THTPA: variants seen among roughly 807,000 people sequenced by gnomAD.
THTPA encodes thiamine-triphosphatase.
In THTPA, 16 loss-of-function variants were observed where a neutral mutation model predicts 16.5. The observed-to-expected ratio is 0.97, with a 90% CI of 0.66 to 1.47. The LOEUF (loss-of-function observed/expected upper bound fraction) is 1.47. Among genes scored for constraint, THTPA ranks in the 40% most tolerant of loss-of-function variants. THTPA has a pLI of 0.00. For synonymous variants in THTPA, 110 were observed against 115.5 expected, an observed-to-expected ratio of 0.95 and a Z score of 0.30; for missense variants, 281 against 280.9, an observed-to-expected ratio of 1.00 and a Z score of 0.00.
chr14:23,531,782 T>G, the THTPA span: 1 of 400,106 alleles, frequency 2.5e-6, no homozygotes, highest in East Asian at 7.7e-5. Context: ...CTCAGGGGAC[T>G]TTTTTTTTTT....
chr14:23,512,625 T>G, the THTPA span: 4 of 135,052 alleles, frequency 3.0e-5, no homozygotes, highest in Non-Finnish European at 6.2e-5. Flanking sequence ...CTGCCATAAA[T>G]ATTGGTACTG....
At chr14:23,528,590 C>T in the THTPA span, 1 of 985,298 alleles carries the variant, frequency 1.0e-6, no homozygotes, top group Non-Finnish European at 1.2e-6. Flanking sequence ...TCCCTGCCCA[C>T]TCTGCCTCTG....
the THTPA span, chr14:23,522,547 C>T: frequency 6.5e-7 from 1 of 1,527,212 alleles, no homozygotes; most frequent in South Asian, 1.2e-5. Flanking sequence ...ATAGCCCCTT[C>T]TTCATGCCAT....
chr14:23,528,369 T>C, the THTPA span, among the ~76,000 whole-genome samples: 1 of 152,260 alleles, frequency 6.6e-6, no homozygotes, highest in Non-Finnish European at 1.5e-5. Flanking sequence ...TGTCTGGCCC[T>C]CTTCCACCAT....
Position 23,557,179 on chromosome 14 carries a change from A to C in THTPA, c.422A>C (p.Gln141Pro). Reference sequence around the variant, plus strand: ...TTGGGAGCTGATGAAGAGGAGCCACAGCTCAGGGTGGACTTGGATACAGCC... The same window carrying C: ...TTGGGAGCTGATGAAGAGGAGCCACCGCTCAGGGTGGACTTGGATACAGCC... ...VLLGADEEEPQLRVDLDTADF... is the reference protein window; with the variant it reads ...VLLGADEEEPPLRVDLDTADF... Residue 141 changes from glutamine to proline, a missense_variant, in exon 1 of 2, where the codon CAG (glutamine) becomes CCG (proline). Physicochemically the swap from Gln to Pro is moderately conservative, Grantham distance 76. Transcript: ENST00000288014. 6.2e-7 allele frequency: 1 copy of C among 1,614,150 alleles called. No homozygotes were observed. The highest frequency in any genetic ancestry group is 8.5e-7 in the Non-Finnish European group (1 of 1,180,030).
the THTPA span, among the ~76,000 whole-genome samples, chr14:23,546,001 A>C: frequency 6.6e-6 from 1 of 152,226 alleles, no homozygotes; most frequent in Non-Finnish European, 1.5e-5. The surrounding 1 kb of genome is among the most constrained non-coding windows in gnomAD (Gnocchi z 4.7). Flanking sequence ...CCTCTAGCCC[A>C]AGCCCAGCCC....
At chr14:23,522,768 A>G in the THTPA span, 1 of 1,536,412 alleles carries the variant, frequency 6.5e-7, no homozygotes, top group Non-Finnish European at 8.7e-7. Context: ...TTGTCCCCCA[A>G]GGGCTCAGTA....
At chr14:23,544,704 C>A in the THTPA span, among the ~76,000 whole-genome samples, 1 of 152,242 alleles carries the variant, frequency 6.6e-6, no homozygotes, top group East Asian at 1.9e-4. Flanking sequence ...TGAGTGTGAT[C>A]TCGTTACACT....
At chr14:23,517,542 G>T in the THTPA span, among the ~76,000 whole-genome samples, 2 of 152,264 alleles carry the variant, frequency 1.3e-5, no homozygotes, top group Middle Eastern at 3.4e-3. Context: ...GAGAGAAATT[G>T]TCCCCCAATA....
chr14:23,525,215 G>A, the THTPA span: 8 of 1,536,112 alleles, frequency 5.2e-6, no homozygotes, highest in Non-Finnish European at 7.0e-6. This position sits in a 1 kb window ranked among gnomAD's most constrained non-coding sequence, Gnocchi z 5.9. Flanking sequence ...CTCTTCTATG[G>A]GCCAGTGTCC....
chr14:23,541,493 G>C, the THTPA span, among the ~76,000 whole-genome samples: 2 of 151,800 alleles, frequency 1.3e-5, no homozygotes, highest in African/African-American at 4.8e-5. Flanking sequence ...CTCCATGTTG[G>C]TCAGGCTGGT....
At chr14:23,536,709 G>C in the THTPA span, among the ~76,000 whole-genome samples, 1 of 152,168 alleles carries the variant, frequency 6.6e-6, no homozygotes, top group African/African-American at 2.4e-5. Flanking sequence ...GGGTCACACA[G>C]CTCCAAGATA....
the THTPA span, chr14:23,528,880 C>T: frequency 2.8e-5 from 27 of 971,128 alleles, no homozygotes; most frequent in East Asian, 2.6e-3. Context: ...GCACCAGTGG[C>T]ACAGGCCTGT....
the THTPA span, among the ~76,000 whole-genome samples, chr14:23,540,907 TTC>T: frequency 2.6e-5 from 4 of 152,020 alleles, no homozygotes; most frequent in South Asian, 4.2e-4. Context: ...TTTTTCTTTT[TTC>T]TCTCTTTTTT....
At position 23,559,598 on chromosome 14, in the gene THTPA, CTTTA is replaced by C; in HGVS notation, c.*762_*765del. 1 of 663,840 alleles carries C rather than the reference CTTTA, an allele frequency of 1.5e-6. No individual in the cohort carries two copies. 41.1% of individuals were successfully genotyped at this position (663,840 alleles called of 1,614,324 possible). On this transcript the variant is annotated 3_prime_UTR_variant, in exon 2 of 2. Coordinates refer to ENST00000288014, the MANE Select transcript of THTPA (RefSeq NM_024328.6). The stretch of plus-strand genomic sequence containing the variant: ...TCCTCACTTCTCAGGCTTTATTGGG[CTTTA>C]TTTGTGGGAGAAGGGGGCTGGTCCC...
intron 1 of THTPA, 51 bp from the exon 2 acceptor site, chr14:23,558,644 A>G (rs766814304): frequency 6.2e-7 from 1 of 1,610,666 alleles, no homozygotes; most frequent in Non-Finnish European, 8.5e-7. Flanking sequence ...AGCAGAGTCC[A>G]AGTGCTTGTG....
the THTPA span, chr14:23,522,262 G>A: frequency 1.3e-6 from 2 of 1,486,916 alleles, no homozygotes; most frequent in South Asian, 2.6e-5. Context: ...CAAAGAAGCA[G>A]AAGGATCTCT....
chr14:23,534,905 C>A, the THTPA span: 1 of 1,536,108 alleles, frequency 6.5e-7, no homozygotes, highest in South Asian at 1.2e-5. This position sits in a 1 kb window ranked among gnomAD's most constrained non-coding sequence, Gnocchi z 4.5. Flanking sequence ...CAGGGGAAGC[C>A]CTTTGGTAAC....
At chr14:23,535,600 A>G in the THTPA span, among the ~76,000 whole-genome samples, 7 of 151,180 alleles carry the variant, frequency 4.6e-5, no homozygotes, top group Admixed American at 4.6e-4. The surrounding 1 kb of genome is among the most constrained non-coding windows in gnomAD (Gnocchi z 4.5). Context: ...TAATTAATTA[A>G]TTTTTTTTTG....
Sources: allele counts gnomAD v4.1 joint callset (sites outside exome capture counted in the v4.1 genomes callset), GRCh38; gene constraint gnomAD v4.1.1; non-coding constraint Gnocchi (gnomAD v3.1); transcripts MANE v1.5; gene names NCBI Gene and HGNC (gene_info 2026-07-23, HGNC 2026-07-21).